DSP: variants seen among roughly 807,000 people sequenced by gnomAD.
DSP encodes the protein desmoplakin.
DSP carries 114 observed loss-of-function variants against 290.6 expected under a neutral mutation model. That is an observed-to-expected ratio of 0.39 (90% confidence interval 0.34 to 0.46). DSP has a LOEUF of 0.46. Among genes scored for constraint, DSP ranks in the 20% least tolerant of loss-of-function variants. The pLI, the probability that DSP is intolerant of heterozygous loss-of-function variation, is 0.99. For missense variants in DSP, 3,230 were observed against 3,495.8 expected (o/e 0.92, Z 1.92); for synonymous variants, 1,311 against 1,316.4 (o/e 1.00, Z 0.09).
chr6:7,565,646 A>G lies in DSP; in HGVS notation c.939+126A>G, dbSNP rs1758840236. On this transcript the variant is annotated intron_variant, in intron 7 of 23. Coordinates refer to ENST00000379802, the MANE Select transcript of DSP (RefSeq NM_004415.4). This position sits in a 1 kb window ranked among gnomAD's most constrained non-coding sequence, Gnocchi z 4.2. The stretch of plus-strand genomic sequence containing the variant: ...CACTTGCAATTCAGCCTTCTTTGAA[A>G]TGGTCGTGAAAAATCCTTCCTTCCT... 4 of 1,322,452 alleles carry G rather than the reference A, an allele frequency of 3.0e-6. No homozygotes were observed. Among genetic ancestry groups the G allele is most frequent in the East Asian group, 2.5e-5 (1 of 40,690 alleles). The allele number at this position is 1,322,452 out of a possible 1,614,324, so 81.9% of individuals were successfully genotyped here.
At chr6:7,545,086 A>C (rs1354881639) in intron 1 of DSP, among the ~76,000 whole-genome samples, 1 of 152,222 alleles carries the variant, frequency 6.6e-6, no homozygotes, top group Non-Finnish European at 1.5e-5. Context: ...TCACCCATCA[A>C]AGGGTGAATT....
Position 7,584,982 on chromosome 6 carries a change from G to A in DSP, c.7720G>A (p.Gly2574Ser). 1 of 1,614,164 alleles carries A rather than the reference G, an allele frequency of 6.2e-7. No individual in the cohort carries two copies. The highest frequency in any genetic ancestry group is 8.5e-7 in the Non-Finnish European group (1 of 1,180,018). Residue 2574 changes from glycine to serine, a missense_variant, in exon 24 of 24, where the codon GGC becomes AGC. Physicochemically the swap from Gly to Ser is moderately conservative, Grantham distance 56 (BLOSUM62 0). Coordinates refer to ENST00000379802, the MANE Select transcript of DSP (RefSeq NM_004415.4). This position sits in a 1 kb window ranked among gnomAD's most constrained non-coding sequence, Gnocchi z 6.4. ...KNGVGTSSSM[G>S]SGVSDDVFSS... The stretch of plus-strand genomic sequence containing the variant: ...TGGTGTCGGCACCAGCAGCAGCATG[G>A]GCAGTGGTGTCAGCGATGATGTTTT...
chr6:7,584,860 C>T lies in DSP; in HGVS notation c.7598C>T (p.Ala2533Val). 1 of 1,614,172 alleles carries T rather than the reference C, an allele frequency of 6.2e-7. No individual in the cohort carries two copies. The highest frequency in any genetic ancestry group is 8.5e-7 in the Non-Finnish European group (1 of 1,180,026). The change falls in exon 24 of 24, where the codon GCT (alanine) becomes GTT (valine). Residue 2533 changes from alanine to valine, a missense_variant. Coordinates refer to ENST00000379802, the MANE Select transcript of DSP (RefSeq NM_004415.4). This position sits in a 1 kb window ranked among gnomAD's most constrained non-coding sequence, Gnocchi z 6.4. ...GGCAGTCAGTATGATATTCAAGATG[C>T]TATTGACAAGGGCCTTGTTGACAGG... ...KTGSQYDIQD[A>V]IDKGLVDRKF...
Position 7,579,908 on chromosome 6 carries a change from G to T in DSP, c.3718G>T (p.Asp1240Tyr). ...TTCCAAAAATCTTAGAAACCAGCTT[G>T]ATAGACTTTCAAGGGAAAATCGAGA... is the stretch of plus-strand genomic sequence containing the variant. ...DDSKNLRNQL[D>Y]RLSRENRDLK... Residue 1240 changes from aspartate to tyrosine, a missense_variant, in exon 23 of 24, where the codon GAT becomes TAT. Physicochemically the swap from Asp to Tyr is radical, Grantham distance 160 (BLOSUM62 -3). Around this residue, in one of 5 missense-constraint regions of DSP, gnomAD observed 1,714 missense variants for 1,844.5 expected, o/e 0.93. Coordinates refer to ENST00000379802, the MANE Select transcript of DSP (RefSeq NM_004415.4). The surrounding 1 kb of genome is among the most constrained non-coding windows in gnomAD (Gnocchi z 4.1). The T allele has an allele frequency of 6.2e-7, 1 of 1,614,102 alleles. No individual in the cohort carries two copies. Among genetic ancestry groups the T allele is most frequent in the Non-Finnish European group, 8.5e-7 (1 of 1,180,032 alleles).
At position 7,584,927 on chromosome 6, in the gene DSP, T is replaced by C; in HGVS notation, c.7665T>C (p.Thr2555=). Residue 2555 remains threonine, a synonymous_variant, in exon 24 of 24, where the codon ACT becomes ACC. Transcript: ENST00000379802. This position sits in a 1 kb window ranked among gnomAD's most constrained non-coding sequence, Gnocchi z 6.4. ...DQYRSGSLSL[T]QFADMISLKN... ...ACCGATCCGGCAGCCTCAGCCTCAC[T>C]CAATTTGCTGACATGATCTCCTTGA... The C allele has an allele frequency of 6.2e-7, 1 of 1,614,174 alleles. No homozygotes were observed. The highest frequency in any genetic ancestry group is 8.5e-7 in the Non-Finnish European group (1 of 1,180,026).
chr6:7,562,710 A>G lies in DSP; in HGVS notation c.656A>G (p.Asn219Ser), dbSNP rs1758736973. Residue 219 changes from asparagine (N) to serine (S), a missense_variant, in exon 5 of 24, where the codon AAC (asparagine) becomes AGC (serine). Physicochemically the swap from Asn to Ser is conservative, Grantham distance 46. Transcript: ENST00000379802. The part of the protein sequence containing the change: ...VDLASVEQHI[N>S]SHRGIHNSIG... Reference sequence around the variant, plus strand: ...CTGGCCTCAGTGGAGCAGCACATTAACAGCCACCGGGGCATCCACAACTCC... The same window carrying G: ...CTGGCCTCAGTGGAGCAGCACATTAGCAGCCACCGGGGCATCCACAACTCC... 6.2e-7 allele frequency: 1 copy of G among 1,614,022 alleles called. No individual in the cohort carries two copies. The highest frequency in any genetic ancestry group is 1.7e-5 in the Admixed American group (1 of 59,992).
intron 1 of DSP, among the ~76,000 whole-genome samples, chr6:7,554,152 A>G (rs965537428): frequency 1.6e-5 from 2 of 126,894 alleles, no homozygotes; most frequent in African/African-American, 6.5e-5. Flanking sequence ...GGCATCAGAT[A>G]AAAGCAGGCT....
rs925127695 is a variant in DSP, at chr6:7,565,132, G to A, written c.778-227G>A. ...CACTGCACTCCAGCCTGGGAGACGA[G>A]AGCGACAGTCCGTCTCAAAAAAAAA... On this transcript the variant is annotated intron_variant, in intron 6 of 23. Coordinates refer to ENST00000379802, the MANE Select transcript of DSP (RefSeq NM_004415.4). This position sits in a 1 kb window ranked among gnomAD's most constrained non-coding sequence, Gnocchi z 4.2. Among the ~76,000 whole-genome samples the A allele has an allele frequency of 2.6e-5, 4 of 152,000 alleles. No individual in the cohort carries two copies. Among genetic ancestry groups the A allele is most frequent in the Non-Finnish European group, 5.9e-5 (4 of 68,020 alleles).
In DSP at chr6:7,586,049, T is replaced by TA; in HGVS notation, c.*172dup. On this transcript the variant is annotated 3_prime_UTR_variant, in exon 24 of 24. Coordinates refer to ENST00000379802, the MANE Select transcript of DSP (RefSeq NM_004415.4). ...AATAGTAAAGGCTGTTCTGGCTTTT[T>TA]ATCTTCTTAGCTCATCTTAAATAAG... The TA allele has an allele frequency of 1.4e-6, 1 of 704,452 alleles. No individual in the cohort carries two copies. Among genetic ancestry groups the TA allele is most frequent in the South Asian group, 1.9e-5 (1 of 53,986 alleles). The allele number at this position is 704,452 out of a possible 1,614,324, so 43.6% of individuals were successfully genotyped here.
intron 4 of DSP, among the ~76,000 whole-genome samples, chr6:7,560,170 T>C (rs1393413174): frequency 6.6e-6 from 1 of 152,208 alleles, no homozygotes; most frequent in Non-Finnish European, 1.5e-5. Context: ...AGAATGTGGA[T>C]GTGTTAGAGT....
chr6:7,569,028 G>A (rs774759774), intron 11 of DSP, among the ~76,000 whole-genome samples, 158 bp from the exon 12 acceptor site: 8 of 152,170 alleles, frequency 5.3e-5, no homozygotes, highest in African/African-American at 9.6e-5. Flanking sequence ...TTAAAGCATC[G>A]GTATTGTTGG....
intron 1 of DSP, among the ~76,000 whole-genome samples, chr6:7,548,502 G>A (rs1272789081): frequency 6.6e-6 from 1 of 152,292 alleles, no homozygotes; most frequent in Non-Finnish European, 1.5e-5. Flanking sequence ...TGAGCTGGGC[G>A]TGGACTCCAA....
intron 10 of DSP, among the ~76,000 whole-genome samples, 168 bp downstream of exon 10, chr6:7,568,074 A>G (rs988218711): frequency 3.9e-5 from 6 of 152,182 alleles, no homozygotes; most frequent in Non-Finnish European, 8.8e-5. Flanking sequence ...ACTTCTTTAC[A>G]TGCCCAACTA....
intron 4 of DSP, among the ~76,000 whole-genome samples, chr6:7,560,024 A>G (rs1758630135): frequency 6.6e-6 from 1 of 152,164 alleles, no homozygotes. Flanking sequence ...TCTGCAAAGT[A>G]TTTTTCAAGA....
chr6:7,577,345 T>A (rs1054873887), intron 20 of DSP, among the ~76,000 whole-genome samples: 3 of 151,506 alleles, frequency 2.0e-5, no homozygotes, highest in Non-Finnish European at 4.4e-5. Flanking sequence ...GTTTGTTTGT[T>A]TGGAGAGAGT....
chr6:7,580,004 G>A lies in DSP; in HGVS notation c.3814G>A (p.Glu1272Lys). The change falls in exon 23 of 24, where the codon GAA (glutamate) becomes AAA (lysine). Residue 1272 changes from glutamate (E) to lysine (K), a missense_variant. Transcript: ENST00000379802. The surrounding 1 kb of genome is among the most constrained non-coding windows in gnomAD (Gnocchi z 4.2). ...QATEQRRRAE[E>K]NALQQKACGS... ...CACTGAGCAGCGAAGGCGAGCTGAA[G>A]AAAACGCCCTTCAGCAAAAGGCCTG... 1.9e-6 allele frequency: 3 copies of A among 1,614,148 alleles called. No homozygotes were observed. Among genetic ancestry groups the A allele is most frequent in the Non-Finnish European group, 2.5e-6 (3 of 1,180,026 alleles).
intron 2 of DSP, among the ~76,000 whole-genome samples, chr6:7,556,977 C>T (rs1758522256): frequency 6.6e-6 from 1 of 152,200 alleles, no homozygotes; most frequent in South Asian, 2.1e-4. Flanking sequence ...GAAAATTTTG[C>T]ATGGCCTCAT....
Position 7,578,476 on chromosome 6 carries a change from C to G in DSP, c.2998C>G (p.His1000Asp). 6.2e-7 allele frequency: 1 copy of G among 1,613,492 alleles called. No individual in the cohort carries two copies. The highest frequency in any genetic ancestry group is 1.7e-5 in the Admixed American group (1 of 60,006). Reference sequence around the variant, plus strand: ...CCTTTTCTCCAAGGCTGCAGATGTTCATGCTCGGTACATTGAACTACTTAC... The same window carrying G: ...CCTTTTCTCCAAGGCTGCAGATGTTGATGCTCGGTACATTGAACTACTTAC... ...GVILQEAADV[H>D]ARYIELLTRS... is the part of the protein sequence containing the mutation. Residue 1000 changes from histidine (H) to aspartate (D), a missense_variant, in exon 22 of 24, where the codon CAT becomes GAT. By Grantham distance (81) the His-to-Asp change is moderately conservative. This residue lies in a region of DSP where 1,714 missense variants were observed against 1,844.5 expected (regional missense o/e 0.93). Coordinates refer to ENST00000379802, the MANE Select transcript of DSP (RefSeq NM_004415.4).
Position 7,559,215 on chromosome 6 carries a change from T to C in DSP, c.423-11T>C, listed in dbSNP as rs1758598034. 6.2e-7 allele frequency: 1 copy of C among 1,613,706 alleles called. No homozygotes were observed. Among genetic ancestry groups the C allele is most frequent in the African/African-American group, 1.3e-5 (1 of 74,912 alleles). ...TTTCCTGCAGTGGTTTAAAGGTTTT[T>C]TTCTTTGCAGGCTTCTTCAGCTCCA... is the stretch of plus-strand genomic sequence containing the variant. On this transcript the variant is annotated splice_polypyrimidine_tract_variant and intron_variant, in intron 3 of 23. Coordinates refer to ENST00000379802, the MANE Select transcript of DSP (RefSeq NM_004415.4).
Sources: allele counts gnomAD v4.1 joint callset (sites outside exome capture counted in the v4.1 genomes callset), GRCh38; gene constraint gnomAD v4.1.1; regional missense constraint gnomAD v4.1.1; non-coding constraint Gnocchi (gnomAD v3.1); transcripts MANE v1.5; gene names NCBI Gene and HGNC (gene_info 2026-07-23, HGNC 2026-07-21).